Variants in ARHGEF9 observed in about 807,000 individuals in gnomAD.
ARHGEF9 encodes the protein rho guanine nucleotide exchange factor 9.
A neutral mutation model predicts 41.3 loss-of-function variants in ARHGEF9; 2 were observed. That is an observed-to-expected ratio of 0.05 (90% CI 0.02 to 0.15). The LOEUF is 0.15. Ranked by LOEUF, ARHGEF9 falls within the 10% of genes least tolerant of loss-of-function variation. The pLI is 1.00. For missense variants in ARHGEF9, 225 were observed against 424.7 expected (o/e 0.53, Z 4.13); for synonymous variants, 160 against 154.4 (o/e 1.04, Z -0.27).
At chrX:63,730,098 T>C (rs1431979254) in intron 1 of ARHGEF9, among the ~76,000 whole-genome samples, 9 of 111,113 alleles carry the variant, frequency 8.1e-5, no homozygotes, top group Non-Finnish European at 1.3e-4. Flanking sequence ...AAAAGGCATG[T>C]GTGTTTGCAG....
At chrX:63,729,099 G>C (rs1194137385) in intron 1 of ARHGEF9, among the ~76,000 whole-genome samples, 1 of 111,732 alleles carries the variant, frequency 8.9e-6, no homozygotes, top group Admixed American at 9.5e-5. Flanking sequence ...TAAAGCATAG[G>C]ACAAATTAGG....
Position 63,728,466 on chromosome X carries a change from G to A in ARHGEF9, c.31-3755C>T, listed in dbSNP as rs1200249685. On this transcript the variant is annotated intron_variant, in intron 1 of 9. Coordinates refer to ENST00000671741, the MANE Select transcript of ARHGEF9 (RefSeq NM_001353921.2). ...TTTATGGGCACGCATACCTACCTTC[G>A]ATTCTGGGCTTTACTACTTTAGAAA... Among the ~76,000 whole-genome samples the A allele has an allele frequency of 6.2e-5, 7 of 112,049 alleles. No homozygotes were observed. The East Asian group carries it at 1.7e-3, about 27-fold the overall frequency.
intron 4 of ARHGEF9, among the ~76,000 whole-genome samples, chrX:63,687,655 T>G (rs1308642944): frequency 9.1e-6 from 1 of 110,401 alleles, no homozygotes. Context: ...TTACAGAAAT[T>G]TAACAATGAA....
chrX:63,670,253 C>G (rs781985008), intron 6 of ARHGEF9: 6 of 111,818 alleles, frequency 5.4e-5, no homozygotes, highest in Non-Finnish European at 1.1e-4. Context: ...AGAGGAGTAA[C>G]AAATCCATCT....
At chrX:63,700,936 T>A (rs2052117815) in intron 3 of ARHGEF9, among the ~76,000 whole-genome samples, 1 of 111,158 alleles carries the variant, frequency 9.0e-6, no homozygotes, top group African/African-American at 3.3e-5. Flanking sequence ...AAAGTGGGCA[T>A]GGGTGGGAAG....
chrX:63,774,760 C>A (rs557000895), intron 1 of ARHGEF9, among the ~76,000 whole-genome samples: 3 of 110,982 alleles, frequency 2.7e-5, no homozygotes, highest in Middle Eastern at 9.2e-3. Flanking sequence ...GGACATAGGC[C>A]CTGGAAAAGA....
intron 1 of ARHGEF9, among the ~76,000 whole-genome samples, chrX:63,781,935 A>C (rs1444902404): frequency 8.9e-6 from 1 of 112,054 alleles, no homozygotes; most frequent in African/African-American, 3.3e-5. Context: ...TCTCCTAAAC[A>C]TATACACAGA....
intron 8 of ARHGEF9, among the ~76,000 whole-genome samples, chrX:63,646,854 A>C (rs1383543421): frequency 9.0e-5 from 10 of 111,532 alleles, no homozygotes; most frequent in African/African-American, 3.3e-4. Flanking sequence ...GATTCTTCCT[A>C]CCCATGAGCA....
At chrX:63,751,438 C>A (rs1425272945) in intron 1 of ARHGEF9, among the ~76,000 whole-genome samples, 8 of 111,868 alleles carry the variant, frequency 7.2e-5, no homozygotes, top group Non-Finnish European at 1.3e-4. Flanking sequence ...AAAATATCCT[C>A]ACAAGTCTGA....
intron 1 of ARHGEF9, among the ~76,000 whole-genome samples, chrX:63,760,061 T>C (rs1409400212): frequency 1.8e-5 from 2 of 109,831 alleles, no homozygotes; most frequent in East Asian, 2.9e-4. Flanking sequence ...AAACCCAAGA[T>C]CCCTAGTTCT....
chrX:63,652,129 C>T (rs1256035658), intron 8 of ARHGEF9, among the ~76,000 whole-genome samples: 2 of 111,332 alleles, frequency 1.8e-5, no homozygotes, highest in Non-Finnish European at 3.8e-5. Flanking sequence ...GGTACAGATC[C>T]TACAGGAATA....
intron 7 of ARHGEF9, among the ~76,000 whole-genome samples, chrX:63,664,412 G>A (rs1344097287): frequency 8.9e-6 from 1 of 112,234 alleles, no homozygotes; most frequent in African/African-American, 3.2e-5. Flanking sequence ...GGGCCTAGGG[G>A]GTGCAGAACT....
intron 2 of ARHGEF9, among the ~76,000 whole-genome samples, chrX:63,719,340 G>A (rs2053507492): frequency 8.9e-6 from 1 of 112,228 alleles, no homozygotes; most frequent in South Asian, 3.7e-4. Flanking sequence ...AAACACTATT[G>A]CCTTTAGTCT....
At chrX:63,657,329 A>G (rs1463055425) in intron 7 of ARHGEF9, 1 of 111,458 alleles carries the variant, frequency 9.0e-6, no homozygotes, top group Admixed American at 9.5e-5. Context: ...CACATTCCCA[A>G]TCCTAACTCT....
At chrX:63,772,641 A>T (rs2056223673) in intron 1 of ARHGEF9, among the ~76,000 whole-genome samples, 1 of 111,508 alleles carries the variant, frequency 9.0e-6, no homozygotes, top group Non-Finnish European at 1.9e-5. Flanking sequence ...CAGAATTTGA[A>T]CCCAGGGAGT....
In ARHGEF9 at chrX:63,762,345, G is replaced by T. The variant is rs1328815774; in HGVS notation, c.30+22771C>A. On this transcript the variant is annotated intron_variant, in intron 1 of 9. Transcript: ENST00000671741. ...GTAGGTAGCCAGGATATGGTAATAT[G>T]TTGAAATTGCAAAACAAGAAAGGAG... 1.4e-4 allele frequency among the ~76,000 whole-genome samples: 16 copies of T among 111,849 alleles called. 1 individual carries two copies. The highest frequency in any genetic ancestry group is 4.2e-4 in the African/African-American group (13 of 30,788).
chrX:63,648,298 A>C (rs2048272506), intron 8 of ARHGEF9, among the ~76,000 whole-genome samples: 1 of 111,583 alleles, frequency 9.0e-6, no homozygotes, highest in South Asian at 3.8e-4. Flanking sequence ...TCAATATTGA[A>C]CATTCTTAAA....
intron 2 of ARHGEF9, among the ~76,000 whole-genome samples, chrX:63,715,130 T>C: frequency 8.9e-6 from 1 of 111,987 alleles, no homozygotes; most frequent in Non-Finnish European, 1.9e-5. Context: ...CACTCCACTC[T>C]ACCCCTAAGT....
intron 2 of ARHGEF9, among the ~76,000 whole-genome samples, chrX:63,721,538 G>A (rs187131043): frequency 1.8e-5 from 2 of 110,272 alleles, no homozygotes; most frequent in African/African-American, 6.6e-5. Context: ...GCTCTCCTCA[G>A]GCCATGGCCC....
Sources: allele counts gnomAD v4.1 joint callset (sites outside exome capture counted in the v4.1 genomes callset), GRCh38; gene constraint gnomAD v4.1.1; transcripts MANE v1.5; gene names NCBI Gene and HGNC (gene_info 2026-07-23, HGNC 2026-07-21).